The following POU2F2 variants were observed in gnomAD, a reference collection of about 807,000 sequenced individuals.
POU2F2 encodes POU class 2 homeobox 2.
A neutral mutation model predicts 63.5 loss-of-function variants in POU2F2; 14 were observed. That is an observed-to-expected ratio of 0.22 (90% CI 0.15 to 0.34). POU2F2 has a LOEUF of 0.34. POU2F2 is among the 10% of genes least tolerant of loss of function. POU2F2 has a pLI of 1.00. For missense variants in POU2F2, 607 were observed against 815.2 expected, an observed-to-expected ratio of 0.74 and a Z score of 3.11; for synonymous variants, 306 against 348.6, an observed-to-expected ratio of 0.88 and a Z score of 1.36.
chr19:42,107,658 G>A (rs2030341782), intron 5 of POU2F2, among the ~76,000 whole-genome samples: 1 of 152,214 alleles, frequency 6.6e-6, no homozygotes, highest in South Asian at 2.1e-4. Context: ...GGTTTGGTCA[G>A]AAGATAGTAA....
upstream of POU2F2, chr19:42,132,736 C>T: frequency 2.9e-6 from 1 of 347,774 alleles, no homozygotes; most frequent in Non-Finnish European, 5.2e-6. Flanking sequence ...AAGTCTGGAA[C>T]AGGGAATGGG....
At chr19:42,100,684 T>C (rs767998766) in intron 5 of POU2F2, among the ~76,000 whole-genome samples, 7 of 151,524 alleles carry the variant, frequency 4.6e-5, no homozygotes, top group African/African-American at 9.7e-5. Context: ...CTAGGAGGCA[T>C]AGGTTGCAGT....
chr19:42,097,192 G>GTTTT (rs778449653), intron 7 of POU2F2, among the ~76,000 whole-genome samples: 11 of 117,754 alleles, frequency 9.3e-5, no homozygotes, highest in Non-Finnish European at 1.4e-4. Context: ...GAATTTTTCA[G>GTTTT]TTTTTTTTTT....
At position 42,103,790 on chromosome 19, in the gene POU2F2, G is replaced by A. The variant is rs534561948; in HGVS notation, c.370-3969C>T. 3.9e-5 allele frequency among the ~76,000 whole-genome samples: 6 copies of A among 151,902 alleles called. No homozygotes were observed. The South Asian group carries it at 8.3e-4, about 21-fold the overall frequency. ...TGGGACTACAGGCGCCCGCCACCAC[G>A]CCTGGCTAATTTTTTTGTATTTTTA... On this transcript the variant is annotated intron_variant, in intron 5 of 14. Coordinates refer to ENST00000692977, the MANE Select transcript of POU2F2 (RefSeq NM_001394376.1).
rs1410762464 is a variant in POU2F2, at chr19:42,162,688, T to C, written c.-69-2296A>G. On this transcript the variant is annotated intron_variant, in intron 1 of 6. Transcript: ENST00000524801. The surrounding 1 kb of genome is among the most constrained non-coding windows in gnomAD (Gnocchi z 4.1). The stretch of plus-strand genomic sequence containing the variant: ...GCTGTGTCCTGGGGTCAGTTTGCCA[T>C]GTACATGGCAGACTGTGAGCTCCTT... Among the ~76,000 whole-genome samples, 1 of 152,220 alleles carries C rather than the reference T, an allele frequency of 6.6e-6. No homozygotes were observed. Among genetic ancestry groups the C allele is most frequent in the Admixed American group, 6.5e-5 (1 of 15,298 alleles).
At chr19:42,196,564 CACA>C (rs1286535401) in exon 1 of POU2F2, 2 of 152,476 alleles carry the variant, frequency 1.3e-5, no homozygotes, top group African/African-American at 4.8e-5. Flanking sequence ...GCCGGCCTCC[CACA>C]TCTCCCATGG....
At chr19:42,188,921 A>AAGGAAGGAAGGAAGGG (rs2035045799) in intron 1 of POU2F2, among the ~76,000 whole-genome samples, 1 of 146,054 alleles carries the variant, frequency 6.8e-6, no homozygotes, top group Admixed American at 6.8e-5. Context: ...GGAAGGAAGG[A>AAGGAAGGAAGGAAGGG]AGGAAGGAAG....
chr19:42,174,930 G>A (rs532614755), intron 1 of POU2F2, among the ~76,000 whole-genome samples: 35 of 152,314 alleles, frequency 2.3e-4, no homozygotes, highest in African/African-American at 8.4e-4. Context: ...ACAGGCCCCA[G>A]GAAGGAGGCA....
At chr19:42,125,499 A>G (rs2033117248) in intron 1 of POU2F2, among the ~76,000 whole-genome samples, 1 of 152,184 alleles carries the variant, frequency 6.6e-6, no homozygotes, top group South Asian at 2.1e-4. Flanking sequence ...TATAAGAAGG[A>G]CAAGAAGGGA....
At chr19:42,126,326 C>G (rs1236726056) in intron 1 of POU2F2, among the ~76,000 whole-genome samples, 2 of 151,818 alleles carry the variant, frequency 1.3e-5, no homozygotes, top group African/African-American at 4.8e-5. Context: ...GCCTGTAATC[C>G]CAGCTACTCA....
rs1315959841 is a variant in POU2F2 at position 42,093,889 on chromosome 19, G to A, written c.1204C>T (p.Pro402Ser). Reference protein sequence around the residue: ...PASYSPHMVTPQGGAGTLPLS... With the variant: ...PASYSPHMVTSQGGAGTLPLS... ...GGTAAGGTCCCCGCGCCCCCTTGGG[G>A]TGTGACCTGAGGAGAGAAGAAAGGA... Residue 402 changes from proline (P) to serine (S), a missense_variant, in exon 12 of 15, where the codon CCC (proline) becomes TCC (serine). By Grantham distance (74) the Pro-to-Ser change is moderately conservative (BLOSUM62 -1). Coordinates refer to ENST00000692977, the MANE Select transcript of POU2F2 (RefSeq NM_001394376.1). 6 of 1,610,932 alleles carry A rather than the reference G, an allele frequency of 3.7e-6. No individual in the cohort carries two copies. Among genetic ancestry groups the A allele is most frequent in the African/African-American group, 1.3e-5 (1 of 74,902 alleles).
chr19:42,137,760 G>A (rs2034046695), intron 2 of POU2F2, among the ~76,000 whole-genome samples: 1 of 152,098 alleles, frequency 6.6e-6, no homozygotes, highest in African/African-American at 2.4e-5. Flanking sequence ...AACAAAGGAT[G>A]GCATGTTGCA....
intron 1 of POU2F2, among the ~76,000 whole-genome samples, chr19:42,195,202 G>T (rs1276988732): frequency 6.6e-6 from 1 of 151,762 alleles, no homozygotes; most frequent in East Asian, 1.9e-4. Context: ...ATGACAGAAA[G>T]GTGGGCAGGT....
chr19:42,138,688 T>C (rs2034067412), intron 2 of POU2F2, among the ~76,000 whole-genome samples: 1 of 151,674 alleles, frequency 6.6e-6, no homozygotes, highest in African/African-American at 2.4e-5. Context: ...AGGATGAGGA[T>C]ACATATTCAA....
chr19:42,138,824 A>AT (rs1184897181), intron 2 of POU2F2, among the ~76,000 whole-genome samples: 1 of 152,170 alleles, frequency 6.6e-6, no homozygotes, highest in Non-Finnish European at 1.5e-5. Flanking sequence ...GGTCAGTTCC[A>AT]GGGGGAAAGT....
Position 42,092,137 on chromosome 19 carries a change from G to T in POU2F2, c.1398C>A (p.Asn466Lys), listed in dbSNP as rs779150414. The change falls in exon 13 of 15, where the codon AAC becomes AAA. Residue 466 changes from asparagine to lysine, a missense_variant. Coordinates refer to ENST00000692977, the MANE Select transcript of POU2F2 (RefSeq NM_001394376.1). This position sits in a 1 kb window ranked among gnomAD's most constrained non-coding sequence, Gnocchi z 5.0. ...TGCCTTGAGGGCTGGGGTTTGTGCTGTTGGTGGTGGCCGGGGGTGGGGGAG... is the reference window on the plus strand; with the variant it reads ...TGCCTTGAGGGCTGGGGTTTGTGCTTTTGGTGGTGGCCGGGGGTGGGGGAG... ...SVTPPPPATT[N>K]STNPSPQGSH... is the part of the protein sequence containing the mutation. 1 of 1,585,226 alleles carries T rather than the reference G, an allele frequency of 6.3e-7. No individual in the cohort carries two copies. The highest frequency in any genetic ancestry group is 2.2e-5 in the East Asian group (1 of 44,682).
In POU2F2 at chr19:42,096,832, G is replaced by A. The variant is rs58876439; in HGVS notation, c.568-589C>T. 0.046 allele frequency among the ~76,000 whole-genome samples: 6,955 copies of A among 152,238 alleles called. 212 individuals are homozygous for A. Among genetic ancestry groups the A allele is most frequent in the Non-Finnish European group, 0.063 (4,299 of 68,010 alleles). ...TCAATGTAGGTTCATCACCTGTTAC[G>A]CTTGTACCACTCTGGTTGGGGATGT... On this transcript the variant is annotated intron_variant, in intron 7 of 14. Transcript: ENST00000692977. The surrounding 1 kb of genome is among the most constrained non-coding windows in gnomAD (Gnocchi z 4.1).
chr19:42,129,313 C>A (rs1157846841), intron 1 of POU2F2, among the ~76,000 whole-genome samples: 4 of 152,138 alleles, frequency 2.6e-5, no homozygotes, highest in Non-Finnish European at 5.9e-5. Flanking sequence ...CTACCAGGCC[C>A]CTTGGAGCCA....
chr19:42,197,560 C>A (rs1339400166), upstream of POU2F2, among the ~76,000 whole-genome samples: 1 of 152,170 alleles, frequency 6.6e-6, no homozygotes, highest in Non-Finnish European at 1.5e-5. Flanking sequence ...CCACCCTACC[C>A]CCACTCCCCA....
Sources: allele counts gnomAD v4.1 joint callset (sites outside exome capture counted in the v4.1 genomes callset), GRCh38; gene constraint gnomAD v4.1.1; non-coding constraint Gnocchi (gnomAD v3.1); transcripts MANE v1.5; gene names NCBI Gene and HGNC (gene_info 2026-07-23, HGNC 2026-07-21).